The following TBXAS1 variants were observed in gnomAD, a reference collection of about 807,000 sequenced individuals.
The protein encoded by TBXAS1 is thromboxane A synthase 1.
In TBXAS1, 48 loss-of-function variants were observed where a neutral mutation model predicts 60.7. The observed-to-expected ratio is 0.79, with a 90% CI of 0.63 to 1.01. TBXAS1 has a LOEUF of 1.01. TBXAS1 is among the 50% of genes least tolerant of loss of function. The pLI, the probability that TBXAS1 is intolerant of heterozygous loss-of-function variation, is 0.00. For synonymous variants in TBXAS1, 287 were observed against 269.7 expected (o/e 1.06, Z -0.63); for missense variants, 685 against 686.3 (o/e 1.00, Z 0.02).
rs1809622459 is a variant in TBXAS1, at chr7:139,953,876, AG to A, written c.539+422del. On this transcript the variant is annotated intron_variant, in intron 6 of 12. Transcript: ENST00000448866. ...GGCTTTTCGTCATTTTGTAACTAAA[AG>A]GTTTTTGCTTTAAAAAAACATCTTT... Among the ~76,000 whole-genome samples the A allele has an allele frequency of 3.9e-5, 6 of 152,344 alleles. No homozygotes were observed. The East Asian group carries it at 1.2e-3, about 29-fold the overall frequency.
At chr7:139,828,120 T>C (rs955434333), upstream of TBXAS1, among the ~76,000 whole-genome samples, 5 of 152,174 alleles carry the variant, frequency 3.3e-5, no homozygotes, top group Admixed American at 6.5e-5. Context: ...CACCAATTAT[T>C]CTTAGGTTTG....
At chr7:139,943,598 C>A (rs922149137) in intron 5 of TBXAS1, among the ~76,000 whole-genome samples, 1 of 152,208 alleles carries the variant, frequency 6.6e-6, no homozygotes, top group East Asian at 1.9e-4. Flanking sequence ...ACGCCAGCAG[C>A]CACCTCCTCA....
chr7:139,952,647 G>A (rs949940894), intron 5 of TBXAS1: 42 of 1,536,954 alleles, frequency 2.7e-5, no homozygotes, highest in Admixed American at 5.9e-5. Context: ...GAAGCCGAGT[G>A]GTATCTATGT....
intron 3 of TBXAS1, among the ~76,000 whole-genome samples, chr7:139,786,827 G>A (rs1797216652): frequency 6.6e-6 from 1 of 152,196 alleles, no homozygotes; most frequent in Non-Finnish European, 1.5e-5. Context: ...ATAAAGGTGT[G>A]TTCCATGGGA....
intron 4 of TBXAS1, among the ~76,000 whole-genome samples, chr7:139,929,824 C>G (rs1037305733): frequency 6.6e-6 from 1 of 152,184 alleles, no homozygotes; most frequent in Non-Finnish European, 1.5e-5. Context: ...CCTCCACCCC[C>G]GCTCTCTCCT....
chr7:139,874,762 C>T lies in TBXAS1; in HGVS notation c.184-823C>T, dbSNP rs74670745. Among the ~76,000 whole-genome samples the T allele has an allele frequency of 9.1e-3, 1,380 of 152,072 alleles. 9 individuals carry two copies. The highest frequency in any genetic ancestry group is 0.026 in the Admixed American group (396 of 15,266). ...CACCACACAATGGATCTAGCATTTT[C>T]CACCCCTCCGTCAACCCAGCTACAC... On this transcript the variant is annotated intron_variant, in intron 2 of 12. Coordinates refer to ENST00000448866, the MANE Select transcript of TBXAS1 (RefSeq NM_001061.7).
intron 4 of TBXAS1, among the ~76,000 whole-genome samples, chr7:139,817,482 G>A (rs1192852570): frequency 6.6e-6 from 1 of 152,092 alleles, no homozygotes; most frequent in Non-Finnish European, 1.5e-5. Flanking sequence ...TGAATCTTGT[G>A]CTCCAGCCAA....
chr7:139,954,335 G>A (rs1809666895), intron 6 of TBXAS1, among the ~76,000 whole-genome samples: 1 of 152,190 alleles, frequency 6.6e-6, no homozygotes, highest in African/African-American at 2.4e-5. Context: ...CTAAAGATAA[G>A]GTGGCCTCAT....
intron 6 of TBXAS1, among the ~76,000 whole-genome samples, chr7:139,954,247 A>G (rs1049975514): frequency 6.6e-6 from 1 of 152,242 alleles, no homozygotes; most frequent in African/African-American, 2.4e-5. Flanking sequence ...CATAATCATC[A>G]CCAACACTGG....
At chr7:139,857,844 C>T (rs980175855) in intron 1 of TBXAS1, among the ~76,000 whole-genome samples, 1 of 151,894 alleles carries the variant, frequency 6.6e-6, no homozygotes, top group African/African-American at 2.4e-5. Context: ...GATCCTCCTG[C>T]CTCAGCCTCC....
chr7:139,892,890 C>T (rs370176104), intron 3 of TBXAS1, among the ~76,000 whole-genome samples: 3 of 152,110 alleles, frequency 2.0e-5, no homozygotes, highest in Admixed American at 6.5e-5. Context: ...GGGACTCCTC[C>T]GCCTGGGTAA....
chr7:139,988,695 C>T (rs757225150), intron 9 of TBXAS1, among the ~76,000 whole-genome samples: 5 of 152,138 alleles, frequency 3.3e-5, no homozygotes, highest in African/African-American at 1.2e-4. Context: ...TGCATGGATG[C>T]CCGGGACACA....
intron 2 of TBXAS1, among the ~76,000 whole-genome samples, chr7:139,873,776 C>T (rs1286941846): frequency 6.6e-6 from 1 of 152,150 alleles, no homozygotes; most frequent in Non-Finnish European, 1.5e-5. Flanking sequence ...TGGGTTTTCT[C>T]AGAAGCCAGA....
chr7:139,781,225 C>T (rs906640394), intron 2 of TBXAS1, among the ~76,000 whole-genome samples: 5 of 152,162 alleles, frequency 3.3e-5, no homozygotes, highest in African/African-American at 1.2e-4. Flanking sequence ...TTGAAATGAG[C>T]TTAGATTTTC....
At chr7:139,876,335 C>T (rs1802233810) in intron 3 of TBXAS1, among the ~76,000 whole-genome samples, 1 of 152,222 alleles carries the variant, frequency 6.6e-6, no homozygotes, top group Admixed American at 6.5e-5. Flanking sequence ...ACCACTTACT[C>T]TATTCAAGAT....
intron 9 of TBXAS1, among the ~76,000 whole-genome samples, chr7:139,984,640 G>GAGAGGGAGAAAGAAAGAAAGAAAGAA (rs1007635035): frequency 1.0e-5 from 1 of 99,786 alleles, no homozygotes; most frequent in African/African-American, 3.9e-5. Context: ...GAGAGAGAGA[G>GAGAGGGAGAAAGAAAGAAAGAAAGAA]AGAAAGAAAG....
chr7:139,788,039 A>AGTGATG (rs1184929410), intron 4 of TBXAS1, among the ~76,000 whole-genome samples: 17 of 152,392 alleles, frequency 1.1e-4, no homozygotes, highest in African/African-American at 4.1e-4. Context: ...TGATGAATGT[A>AGTGATG]AACAACAGTT....
chr7:139,991,152 G>A (rs955803674), intron 9 of TBXAS1, among the ~76,000 whole-genome samples: 6 of 152,216 alleles, frequency 3.9e-5, no homozygotes, highest in African/African-American at 1.4e-4. Context: ...GGCTGTGATG[G>A]AACTCGTTTC....
chr7:139,936,467 G>A (rs186879434), intron 5 of TBXAS1, among the ~76,000 whole-genome samples, 160 bp downstream of exon 5: 8 of 152,264 alleles, frequency 5.3e-5, no homozygotes, highest in East Asian at 1.9e-4. Context: ...CAGAAAGCAC[G>A]GGACTCTGTG....
Sources: gnomAD v4.1 joint callset for allele counts (sites outside exome capture counted in the v4.1 genomes callset) on GRCh38, gnomAD v4.1.1 for gene constraint, MANE v1.5 for transcripts, NCBI Gene and HGNC (gene_info 2026-07-23, HGNC 2026-07-21) for gene names.